ARID1B: variants seen among roughly 807,000 people sequenced by gnomAD.
The protein encoded by ARID1B is AT-rich interactive domain-containing protein 1B.
ARID1B carries 30 observed loss-of-function variants against 212.3 expected under a neutral mutation model. That is an observed-to-expected ratio of 0.14 (90% CI 0.11 to 0.19). ARID1B has a LOEUF of 0.19. ARID1B is among the 10% of genes least tolerant of loss of function. ARID1B has a pLI of 1.00. For synonymous variants in ARID1B, 1,402 were observed against 1,301.7 expected (o/e 1.08, Z -1.66); for missense variants, 2,891 against 3,204.0 (o/e 0.90, Z 2.36).
intron 5 of ARID1B, among the ~76,000 whole-genome samples, chr6:157,107,279 A>G (rs956626917): frequency 1.3e-5 from 2 of 152,212 alleles, no homozygotes; most frequent in Non-Finnish European, 2.9e-5. Flanking sequence ...GGATGATCCC[A>G]GAAAAAAGAC....
chr6:156,947,244 A>G (rs1018778915), intron 4 of ARID1B, among the ~76,000 whole-genome samples: 6 of 152,168 alleles, frequency 3.9e-5, no homozygotes, highest in Non-Finnish European at 8.8e-5. Context: ...GGTAAAGACA[A>G]GTTACTTTGT....
intron 1 of ARID1B, among the ~76,000 whole-genome samples, chr6:156,822,294 C>T (rs1388234594): frequency 6.6e-6 from 1 of 152,228 alleles, no homozygotes; most frequent in Non-Finnish European, 1.5e-5. Context: ...TCTTAATAAG[C>T]AGGCAGTGTT....
At chr6:157,130,073 G>T (rs1788437030) in intron 6 of ARID1B, among the ~76,000 whole-genome samples, 1 of 152,144 alleles carries the variant, frequency 6.6e-6, no homozygotes. Context: ...GGAGGCTGAG[G>T]CAGGAGAATC....
At chr6:156,921,204 C>T (rs906321991) in intron 3 of ARID1B, among the ~76,000 whole-genome samples, 1 of 151,968 alleles carries the variant, frequency 6.6e-6, no homozygotes, top group African/African-American at 2.4e-5. Flanking sequence ...TTCATTTTAA[C>T]ATAAAGTGGG....
At chr6:156,937,306 T>G (rs1792324321) in intron 4 of ARID1B, 1 of 152,176 alleles carries the variant, frequency 6.6e-6, no homozygotes, top group African/African-American at 2.4e-5. Flanking sequence ...TCTATGAAAT[T>G]TAAATAGATG....
rs1042875011 is a variant in ARID1B at position 156,777,890 on chromosome 6, T to G, written c.210T>G (p.Ser70Arg). The G allele has an allele frequency of 2.0e-4, 297 of 1,476,516 alleles. No homozygotes were observed. In the African/African-American group the frequency reaches 3.9e-3, roughly 20 times the overall value. The allele number at this position is 1,476,516 out of a possible 1,614,324, so 91.5% of individuals were successfully genotyped here. A position where few individuals can be genotyped will look rare whatever the true frequency, so the allele number is the denominator to read the frequency against. ...GCGACGGCGGCGGCGGCCTGAACAG[T>G]GTGCACCACCACCCCCTGCTCCCCC... is the stretch of plus-strand genomic sequence containing the variant. ...GGGDGGGGLN[S>R]VHHHPLLPRH... Residue 70 changes from serine to arginine, a missense_variant, in exon 1 of 20, where the codon AGT becomes AGG. Coordinates refer to ENST00000636930, the MANE Select transcript of ARID1B (RefSeq NM_001374828.1).
chr6:157,169,741 A>AT, intron 9 of ARID1B: 1 of 152,260 alleles, frequency 6.6e-6, no homozygotes, highest in East Asian at 1.9e-4. Context: ...AATTCCAAAA[A>AT]CTTTATCTCC....
In ARID1B at chr6:156,778,186, A is replaced by G. The variant is rs535189355; in HGVS notation, c.506A>G (p.His169Arg). The G allele has an allele frequency of 7.1e-6, 11 of 1,539,386 alleles. No individual in the cohort carries two copies. In the African/African-American group the frequency reaches 1.5e-4, roughly 21 times the overall value. The stretch of plus-strand genomic sequence containing the variant: ...GCGCCGCCCCACCAGCAGCACCACC[A>G]CCACCACCATGCCCACCACCACCAC... ...PAAPPHQQHH[H>R]HHHAHHHHHH... The change falls in exon 1 of 20, where the codon CAC becomes CGC. Residue 169 changes from histidine (H) to arginine (R), a missense_variant. Transcript: ENST00000636930.
intron 4 of ARID1B, chr6:157,036,700 T>C: frequency 5.2e-6 from 2 of 385,830 alleles, no homozygotes; most frequent in East Asian, 5.9e-5. Flanking sequence ...TCTCTCTTTC[T>C]TGACAACTGA....
chr6:157,020,953 T>G (rs6917637), intron 4 of ARID1B, among the ~76,000 whole-genome samples: 3 of 151,978 alleles, frequency 2.0e-5, no homozygotes, highest in Non-Finnish European at 4.4e-5. Flanking sequence ...CTTTGCAGAA[T>G]TCGATAAAGA....
chr6:156,786,759 G>A (rs1779659043), intron 1 of ARID1B, among the ~76,000 whole-genome samples: 1 of 152,196 alleles, frequency 6.6e-6, no homozygotes, highest in Non-Finnish European at 1.5e-5. Flanking sequence ...TCAGCCCTGT[G>A]CCAGAGACAG....
At chr6:156,943,141 C>T (rs1792800677) in intron 4 of ARID1B, 1 of 152,168 alleles carries the variant, frequency 6.6e-6, no homozygotes, top group African/African-American at 2.4e-5. Flanking sequence ...CTTGTTTTCT[C>T]ATCTTTTTCT....
In ARID1B at chr6:157,200,239, A is replaced by G. The variant is rs1028642684; in HGVS notation, c.4480-466A>G. ...TTGGGTGACACGGGCCAGTCTGGGG[A>G]GCCGAGTCCTGTTCGGGGGCTTTTC... is the stretch of plus-strand genomic sequence containing the variant. On this transcript the variant is annotated intron_variant, in intron 17 of 19. Transcript: ENST00000636930. The surrounding 1 kb of genome is among the most constrained non-coding windows in gnomAD (Gnocchi z 4.3). Among the ~76,000 whole-genome samples the G allele has an allele frequency of 1.3e-5, 2 of 152,070 alleles. No homozygotes were observed. Among genetic ancestry groups the G allele is most frequent in the South Asian group, 2.1e-4 (1 of 4,814 alleles).
chr6:157,160,917 A>G (rs1383012455), intron 8 of ARID1B, among the ~76,000 whole-genome samples: 2 of 152,212 alleles, frequency 1.3e-5, no homozygotes, highest in Non-Finnish European at 2.9e-5. Flanking sequence ...GTGAGCTCAC[A>G]TAACACACAG....
At chr6:156,993,828 A>G (rs1309789094) in intron 4 of ARID1B, among the ~76,000 whole-genome samples, 1 of 152,218 alleles carries the variant, frequency 6.6e-6, no homozygotes, top group Non-Finnish European at 1.5e-5. Context: ...AATATGGATA[A>G]TATGTCCAAA....
chr6:157,127,879 T>G (rs1364865431), intron 6 of ARID1B, among the ~76,000 whole-genome samples: 3 of 147,390 alleles, frequency 2.0e-5, no homozygotes, highest in African/African-American at 7.9e-5. Context: ...GAAGAATCAC[T>G]TGAACCTGGG....
intron 4 of ARID1B, among the ~76,000 whole-genome samples, chr6:157,014,918 ACT>A (rs376306612): frequency 2.0e-4 from 30 of 152,142 alleles, no homozygotes; most frequent in Non-Finnish European, 4.3e-4. Flanking sequence ...ATAATATGCC[ACT>A]CTCCATCTTA....
At chr6:157,003,936 A>G (rs1583122150) in intron 4 of ARID1B, among the ~76,000 whole-genome samples, 2 of 152,142 alleles carry the variant, frequency 1.3e-5, no homozygotes, top group Non-Finnish European at 1.5e-5. Flanking sequence ...GGAGTTCAAG[A>G]CCAGCCTGGA....
chr6:157,035,467 G>C (rs565371289), intron 4 of ARID1B, among the ~76,000 whole-genome samples: 5 of 152,290 alleles, frequency 3.3e-5, no homozygotes, highest in Admixed American at 3.3e-4. Flanking sequence ...CATTGTGAAA[G>C]TCAGGGCTTG....
Sources: gnomAD v4.1 joint callset for allele counts (sites outside exome capture counted in the v4.1 genomes callset) on GRCh38, gnomAD v4.1.1 for gene constraint, Gnocchi (gnomAD v3.1) non-coding constraint, MANE v1.5 for transcripts, NCBI Gene and HGNC (gene_info 2026-07-23, HGNC 2026-07-21) for gene names.